Variants in SHISA9 observed in about 807,000 individuals in gnomAD.
The protein encoded by SHISA9 is protein shisa-9.
A neutral mutation model predicts 38.0 loss-of-function variants in SHISA9; 13 were observed. The ratio of observed to expected loss-of-function variants is 0.34; its 90% confidence interval spans 0.22 to 0.54. The LOEUF is 0.54. SHISA9 is among the 20% of genes least tolerant of loss of function. SHISA9 has a pLI of 0.91. For missense variants in SHISA9, 538 were observed against 575.8 expected (o/e 0.93, Z 0.67); for synonymous variants, 275 against 242.0 (o/e 1.14, Z -1.27).
chr16:13,288,133 G>A, the SHISA9 span, among the ~76,000 whole-genome samples: 1 of 151,920 alleles, frequency 6.6e-6, no homozygotes, highest in East Asian at 1.9e-4. Flanking sequence ...TGAAAATATG[G>A]GACTAGGTTA....
At chr16:12,920,780 A>G (rs748542395) in intron 2 of SHISA9, among the ~76,000 whole-genome samples, 1 of 152,260 alleles carries the variant, frequency 6.6e-6, no homozygotes, top group Non-Finnish European at 1.5e-5. Flanking sequence ...CTTTCCTTTT[A>G]GCTAAACTGT....
chr16:13,437,178 C>T, the SHISA9 span, among the ~76,000 whole-genome samples: 1 of 151,808 alleles, frequency 6.6e-6, no homozygotes, highest in Non-Finnish European at 1.5e-5. Flanking sequence ...ATCTTTGGTT[C>T]ACAAAAAAGA....
At chr16:13,220,102 C>G (rs1318822902) in intron 4 of SHISA9, among the ~76,000 whole-genome samples, 1 of 152,232 alleles carries the variant, frequency 6.6e-6, no homozygotes, top group Non-Finnish European at 1.5e-5. Flanking sequence ...CCTCAAATCT[C>G]ATTGCTTAAA....
the SHISA9 span, among the ~76,000 whole-genome samples, chr16:13,415,804 CCTT>C: frequency 1.0e-5 from 1 of 99,886 alleles, no homozygotes; most frequent in Non-Finnish European, 2.1e-5. Context: ...AGTAACCTAA[CCTT>C]CTTTCGTTAA....
intron 2 of SHISA9, among the ~76,000 whole-genome samples, chr16:13,057,102 A>G (rs1166158998): frequency 6.6e-6 from 1 of 152,228 alleles, no homozygotes; most frequent in Admixed American, 6.5e-5. Context: ...GCCCGCTAGC[A>G]GAGGGGGCTG....
the SHISA9 span, among the ~76,000 whole-genome samples, chr16:13,255,891 A>G: frequency 6.6e-6 from 1 of 152,332 alleles, no homozygotes; most frequent in Admixed American, 6.5e-5. Context: ...AATTTTTCTC[A>G]GCTCACTCTC....
chr16:13,038,314 C>T (rs1343738049), intron 2 of SHISA9, among the ~76,000 whole-genome samples: 1 of 152,174 alleles, frequency 6.6e-6, no homozygotes, highest in African/African-American at 2.4e-5. Context: ...CTGCAGTTTA[C>T]CTTCTTTTCT....
intron 2 of SHISA9, among the ~76,000 whole-genome samples, chr16:13,001,866 G>T (rs945717586): frequency 6.6e-6 from 1 of 152,208 alleles, no homozygotes; most frequent in Admixed American, 6.5e-5. Flanking sequence ...TGAGTGGGTA[G>T]AGGGGAGGGT....
Position 13,237,677 on chromosome 16 carries a change from AAAAAG to A in SHISA9, c.*2270_*2274del, listed in dbSNP as rs1442153019. 1 of 151,766 alleles carries A rather than the reference AAAAAG, an allele frequency of 6.6e-6. No homozygotes were observed. Among genetic ancestry groups the A allele is most frequent in the Non-Finnish European group, 1.5e-5 (1 of 67,978 alleles). 9.4% of individuals were successfully genotyped at this position (151,766 alleles called of 1,614,324 possible). Reference sequence around the variant, plus strand: ...CTCAAAAAAAAAAAAAAAAAGAAAAAAAAAGAGATCTTTCAAAGAACGCATAATAG... The same window carrying A: ...CTCAAAAAAAAAAAAAAAAAGAAAAAAGATCTTTCAAAGAACGCATAATAG... On this transcript the variant is annotated 3_prime_UTR_variant, in exon 5 of 5. Coordinates refer to ENST00000558583, the MANE Select transcript of SHISA9 (RefSeq NM_001145204.3).
the SHISA9 span, among the ~76,000 whole-genome samples, chr16:13,262,678 G>GAGGAAGGAAGGAAGGAAGGAAGGAAGGA: frequency 3.0e-4 from 17 of 55,898 alleles, no homozygotes; most frequent in East Asian, 7.6e-4. Context: ...GGAAGGGAGG[G>GAGGAAGGAAGGAAGGAAGGAAGGAAGGA]AGGAAGGAAG....
At chr16:13,558,455 A>G in the SHISA9 span, among the ~76,000 whole-genome samples, 1 of 152,194 alleles carries the variant, frequency 6.6e-6, no homozygotes, top group Admixed American at 6.5e-5. Flanking sequence ...CCTAAGAGAA[A>G]TACAGGGTTG....
chr16:13,410,977 T>TA, the SHISA9 span, among the ~76,000 whole-genome samples: 14 of 152,232 alleles, frequency 9.2e-5, no homozygotes, highest in African/African-American at 2.4e-4. Flanking sequence ...CTTGGAGTGT[T>TA]AAAAAAATAT....
At chr16:13,017,316 G>A (rs998227518) in intron 2 of SHISA9, among the ~76,000 whole-genome samples, 3 of 152,110 alleles carry the variant, frequency 2.0e-5, no homozygotes, top group South Asian at 2.1e-4. Flanking sequence ...CACAGTGCCC[G>A]GCCTGTTCTT....
At chr16:13,308,613 ACT>A in the SHISA9 span, among the ~76,000 whole-genome samples, 1 of 151,990 alleles carries the variant, frequency 6.6e-6, no homozygotes, top group Non-Finnish European at 1.5e-5. Context: ...TCCCACCATA[ACT>A]CTTAGTATCT....
intron 2 of SHISA9, among the ~76,000 whole-genome samples, chr16:13,185,396 G>T (rs566078587): frequency 6.6e-6 from 1 of 152,058 alleles, no homozygotes; most frequent in Admixed American, 6.6e-5. Context: ...AGAGATGGAG[G>T]TCTTGCTATG....
At chr16:13,029,243 CATCAGTTGATGAATG>C (rs2072962222) in intron 2 of SHISA9, among the ~76,000 whole-genome samples, 1 of 152,160 alleles carries the variant, frequency 6.6e-6, no homozygotes, top group Admixed American at 6.5e-5. Context: ...CCTAAGTGTC[CATCAGTTGATGAATG>C]GATAAAGAAA....
At chr16:13,375,520 C>T in the SHISA9 span, among the ~76,000 whole-genome samples, 1 of 152,058 alleles carries the variant, frequency 6.6e-6, no homozygotes, top group East Asian at 1.9e-4. Context: ...TGTTCTGTTC[C>T]ATTGGTCTAT....
chr16:13,115,526 G>A (rs745330770), intron 2 of SHISA9, among the ~76,000 whole-genome samples: 7 of 152,194 alleles, frequency 4.6e-5, no homozygotes, highest in Admixed American at 1.3e-4. Context: ...TGCCCTGGGC[G>A]GGCCAGGTGT....
intron 2 of SHISA9, among the ~76,000 whole-genome samples, chr16:13,067,373 C>T (rs968646499): frequency 3.3e-5 from 5 of 152,332 alleles, no homozygotes; most frequent in African/African-American, 1.2e-4. Flanking sequence ...GTGATTCCTT[C>T]ACTTTCTAGA....
Sources: gnomAD v4.1 joint callset for allele counts (sites outside exome capture counted in the v4.1 genomes callset) on GRCh38, gnomAD v4.1.1 for gene constraint, MANE v1.5 for transcripts, NCBI Gene and HGNC (gene_info 2026-07-23, HGNC 2026-07-21) for gene names.